VASN: variants seen among roughly 807,000 people sequenced by gnomAD.
The protein encoded by VASN is protein slit-like 2.
Under a neutral mutation model 4.8 loss-of-function variants are expected in VASN, and 5 were observed. That is an observed-to-expected ratio of 1.03 (90% CI 0.54 to 2.17). VASN has a LOEUF of 2.17. Ranked by LOEUF, VASN falls within the 30% of genes most tolerant of loss-of-function variation. The pLI is 0.01. For synonymous variants in VASN, 499 were observed against 460.8 expected, an observed-to-expected ratio of 1.08 and a Z score of -1.06; for missense variants, 927 against 948.8, an observed-to-expected ratio of 0.98 and a Z score of 0.30.
At position 4,381,720 on chromosome 16, in the gene VASN, CGACCTCTCGGG is replaced by C; in HGVS notation, c.844_854del (p.Asp282ProfsTer39). 6.2e-7 allele frequency: 1 copy of C among 1,606,474 alleles called. No homozygotes were observed. On this transcript the variant is annotated frameshift_variant, in exon 2 of 2. Transcript: ENST00000304735. LOFTEE classifies it low-confidence loss of function (END_TRUNC). ...ACCTAAGCCTGCAGGCCCTGCCTGG[CGACCTCTCGGG>C]CCTCTTCCCCCGCCTGCGGCTGCTG...
At chr16:4,373,819 A>G (rs1407710133) in intron 1 of VASN, among the ~76,000 whole-genome samples, 19 of 152,132 alleles carry the variant, frequency 1.2e-4, no homozygotes, top group Admixed American at 1.2e-3. Context: ...TCAGCAGGCC[A>G]GACAGCCAGT....
Position 4,382,342 on chromosome 16 carries a change from G to C in VASN, c.1465G>C (p.Val489Leu). 1 of 1,611,618 alleles carries C rather than the reference G, an allele frequency of 6.2e-7. No individual in the cohort carries two copies. The highest frequency in any genetic ancestry group is 8.5e-7 in the Non-Finnish European group (1 of 1,179,454). Residue 489 changes from valine to leucine, a missense_variant, in exon 2 of 2, where the codon GTG becomes CTG. Coordinates refer to ENST00000304735, the MANE Select transcript of VASN (RefSeq NM_138440.3). ...GLQRYLQGSS[V>L]QLRSLRLTYR... ...GCAGCGCTACCTCCAGGGGAGCTCC[G>C]TGCAGCTCAGGAGCCTCCGTCTCAC... is the stretch of plus-strand genomic sequence containing the variant.
chr16:4,378,701 C>T (rs1317162506), intron 1 of VASN, among the ~76,000 whole-genome samples: 1 of 152,072 alleles, frequency 6.6e-6, no homozygotes, highest in African/African-American at 2.4e-5. Context: ...CAGTGCCAGG[C>T]CCTCCTGGGC....
intron 1 of VASN, among the ~76,000 whole-genome samples, chr16:4,379,477 C>T (rs544866717): frequency 1.6e-4 from 25 of 152,226 alleles, no homozygotes; most frequent in East Asian, 1.9e-4. Flanking sequence ...CTGGAGGGCA[C>T]GCACCCTTCA....
At position 4,381,045 on chromosome 16, in the gene VASN, G is replaced by A. The variant is rs777997851; in HGVS notation, c.168G>A (p.Gly56=). ...VPRDVPPDTV[G]LYVFENGITM... ...GAGACGTGCCACCCGACACGGTGGG[G>A]CTGTACGTCTTTGAGAACGGCATCA... Residue 56 remains glycine (G), a synonymous_variant, in exon 2 of 2, where the codon GGG becomes GGA. Coordinates refer to ENST00000304735, the MANE Select transcript of VASN (RefSeq NM_138440.3). The A allele has an allele frequency of 9.9e-6, 16 of 1,610,628 alleles. No homozygotes were observed. In the South Asian group the frequency reaches 1.4e-4, roughly 14 times the overall value.
intron 1 of VASN, among the ~76,000 whole-genome samples, chr16:4,376,054 G>A (rs539320605): frequency 3.9e-5 from 6 of 152,280 alleles, no homozygotes; most frequent in African/African-American, 1.4e-4. Context: ...GACACCCATG[G>A]GGACCCCCGC....
At chr16:4,373,176 C>G (rs2054595093) in intron 1 of VASN, among the ~76,000 whole-genome samples, 3 of 152,262 alleles carry the variant, frequency 2.0e-5, no homozygotes, top group Admixed American at 2.0e-4. Flanking sequence ...TGAGTTTACT[C>G]TCTTCTCCCA....
intron 1 of VASN, among the ~76,000 whole-genome samples, chr16:4,376,405 G>A (rs2054733098): frequency 6.6e-6 from 1 of 152,178 alleles, no homozygotes; most frequent in South Asian, 2.1e-4. Context: ...AGGAGCGGGG[G>A]CCCGGAGTCT....
chr16:4,376,937 T>G (rs2141231542), intron 1 of VASN, among the ~76,000 whole-genome samples: 1 of 152,300 alleles, frequency 6.6e-6, no homozygotes, highest in East Asian at 1.9e-4. Context: ...GGCAGAGTTC[T>G]GCGTTTATGA....
chr16:4,380,710 C>T (rs1037657053), intron 1 of VASN, among the ~76,000 whole-genome samples, 159 bp from the exon 2 acceptor site: 19 of 152,228 alleles, frequency 1.2e-4, no homozygotes, highest in African/African-American at 4.3e-4. Flanking sequence ...GGGGCTGGGA[C>T]AGAACCTGGG....
At chr16:4,372,958 G>A (rs879904393) in intron 1 of VASN, among the ~76,000 whole-genome samples, 3 of 152,154 alleles carry the variant, frequency 2.0e-5, no homozygotes, top group Admixed American at 1.3e-4. Context: ...GAGCCTCCAG[G>A]GCTGGGGATT....
At chr16:4,380,831 C>T (rs1252965407) in intron 1 of VASN, 38 bp from the exon 2 acceptor site, 21 of 1,434,160 alleles carry the variant, frequency 1.5e-5, no homozygotes, top group Non-Finnish European at 1.7e-5. Context: ...AGGCCCCTGA[C>T]TCACAGTCTT....
In VASN at chr16:4,382,163, C is replaced by T. The variant is rs199693342; in HGVS notation, c.1286C>T (p.Ala429Val). The T allele has an allele frequency of 1.5e-4, 238 of 1,592,854 alleles. No individual in the cohort carries two copies. In the East Asian group the frequency reaches 3.3e-3, roughly 22 times the overall value. ...CACCTGGGGACACGGCACCACCTGG[C>T]GTGCTTGTGCCCCGAAGGCTTCACG... ...TCHLGTRHHL[A>V]CLCPEGFTGL... Residue 429 changes from alanine to valine, a missense_variant, in exon 2 of 2, where the codon GCG (alanine) becomes GTG (valine). Ala to Val is a moderately conservative substitution (Grantham distance 64). Coordinates refer to ENST00000304735, the MANE Select transcript of VASN (RefSeq NM_138440.3).
Position 4,381,124 on chromosome 16 carries a change from C to G in VASN, c.247C>G (p.Leu83Val). 1 of 1,610,222 alleles carries G rather than the reference C, an allele frequency of 6.2e-7. No homozygotes were observed. Among genetic ancestry groups the G allele is most frequent in the Non-Finnish European group, 8.5e-7 (1 of 1,178,904 alleles). ...AGLPGLQLLD[L>V]SQNQIASLPS... ...CCTGCCGGGCCTGCAGCTCCTGGAC[C>G]TGTCACAGAACCAGATCGCCAGCCT... The change falls in exon 2 of 2, where the codon CTG (leucine) becomes GTG (valine). Residue 83 changes from leucine to valine, a missense_variant. Leu to Val is a conservative substitution (Grantham distance 32). Coordinates refer to ENST00000304735, the MANE Select transcript of VASN (RefSeq NM_138440.3).
At chr16:4,372,394 G>A (rs2054567468) in intron 1 of VASN, among the ~76,000 whole-genome samples, 1 of 152,358 alleles carries the variant, frequency 6.6e-6, no homozygotes, top group Non-Finnish European at 1.5e-5. Flanking sequence ...CCGGCAGTAG[G>A]TGCTGCTGTG....
Position 4,383,147 on chromosome 16 carries a change from C to A in VASN, c.*248C>A. ...CTATGAGGACAGTGTCCGCCCTGCC[C>A]TCCGCAACGTGCAGTCCCTGGGCAC... is the stretch of plus-strand genomic sequence containing the variant. On this transcript the variant is annotated 3_prime_UTR_variant, in exon 2 of 2. Coordinates refer to ENST00000304735, the MANE Select transcript of VASN (RefSeq NM_138440.3). The A allele has an allele frequency of 2.1e-6, 1 of 484,790 alleles. No individual in the cohort carries two copies. Among genetic ancestry groups the A allele is most frequent in the East Asian group, 3.4e-5 (1 of 29,250 alleles). The allele number at this position is 484,790 out of a possible 1,614,324, so 30.0% of individuals were successfully genotyped here.
At chr16:4,375,157 C>A (rs754835789) in intron 1 of VASN, among the ~76,000 whole-genome samples, 1 of 152,252 alleles carries the variant, frequency 6.6e-6, no homozygotes, top group African/African-American at 2.4e-5. Context: ...GAGCTGGGGC[C>A]TGGCCTTAGT....
chr16:4,374,147 CGT>C (rs2054631778), intron 1 of VASN, among the ~76,000 whole-genome samples: 1 of 121,142 alleles, frequency 8.3e-6, no homozygotes, highest in Non-Finnish European at 1.6e-5. Flanking sequence ...CTGGCGTGGG[CGT>C]GTCTGTGTGC....
In VASN at chr16:4,382,370, A is replaced by C; in HGVS notation, c.1493A>C (p.Tyr498Ser). The C allele has an allele frequency of 6.2e-7, 1 of 1,612,190 alleles. No individual in the cohort carries two copies. The highest frequency in any genetic ancestry group is 1.1e-5 in the South Asian group (1 of 91,016). ...SVQLRSLRLT[Y>S]RNLSGPDKRL... Reference sequence around the variant, plus strand: ...CAGCTCAGGAGCCTCCGTCTCACCTATCGCAACCTATCGGGCCCTGATAAG... The same window carrying C: ...CAGCTCAGGAGCCTCCGTCTCACCTCTCGCAACCTATCGGGCCCTGATAAG... The change falls in exon 2 of 2, where the codon TAT (tyrosine) becomes TCT (serine). Residue 498 changes from tyrosine (Y) to serine (S), a missense_variant. Transcript: ENST00000304735.
Sources: gnomAD v4.1 joint callset for allele counts (sites outside exome capture counted in the v4.1 genomes callset) on GRCh38, gnomAD v4.1.1 for gene constraint, MANE v1.5 for transcripts, NCBI Gene and HGNC (gene_info 2026-07-23, HGNC 2026-07-21) for gene names.